The following KCNIP1 variants were observed in gnomAD, a reference collection of about 807,000 sequenced individuals.
KCNIP1 encodes the protein potassium voltage-gated channel interacting protein 1, also known as A-type potassium channel modulatory protein KCNIP1.
In KCNIP1, 18 loss-of-function variants were observed where a neutral mutation model predicts 33.0. The ratio of observed to expected loss-of-function variants is 0.55; its 90% CI spans 0.38 to 0.81. The LOEUF is 0.81. Ranked by LOEUF, KCNIP1 falls within the 30% of genes least tolerant of loss-of-function variation. The probability of loss-of-function intolerance (pLI) is 0.00; values close to 1 mark genes in which losing one functional copy is unlikely to be tolerated. For missense variants in KCNIP1, 238 were observed against 271.6 expected (o/e 0.88, Z 0.87); for synonymous variants, 93 against 98.3 (o/e 0.95, Z 0.32).
intron 3 of KCNIP1, 143 bp downstream of exon 3, chr5:170,720,533 G>A (rs1763782971): frequency 2.9e-6 from 2 of 684,592 alleles, no homozygotes; most frequent in Admixed American, 4.4e-5. Flanking sequence ...CTCATCGTGA[G>A]AGGTGGGAGT....
intron 1 of KCNIP1, among the ~76,000 whole-genome samples, chr5:170,618,109 A>G (rs547266193): frequency 1.3e-5 from 2 of 152,218 alleles, no homozygotes; most frequent in African/African-American, 2.4e-5. Context: ...TTTCATTTAC[A>G]TAAGTGTCCT....
chr5:170,435,292 A>C (rs1755836706), intron 1 of KCNIP1, among the ~76,000 whole-genome samples: 3 of 152,176 alleles, frequency 2.0e-5, no homozygotes. Flanking sequence ...GAAGTCCCGG[A>C]CATTATCACA....
intron 1 of KCNIP1, among the ~76,000 whole-genome samples, chr5:170,416,860 T>C (rs1315032991): frequency 6.6e-6 from 1 of 152,236 alleles, no homozygotes; most frequent in Non-Finnish European, 1.5e-5. Flanking sequence ...TTAGTAATTT[T>C]CCCAGATTCA....
At chr5:170,577,358 G>A (rs1003542870) in intron 1 of KCNIP1, among the ~76,000 whole-genome samples, 1 of 152,174 alleles carries the variant, frequency 6.6e-6, no homozygotes, top group Non-Finnish European at 1.5e-5. Flanking sequence ...AGTCTACCCT[G>A]GCATTATATG....
chr5:170,608,273 A>T (rs186000721), intron 1 of KCNIP1, among the ~76,000 whole-genome samples: 9 of 152,244 alleles, frequency 5.9e-5, no homozygotes, highest in African/African-American at 2.2e-4. Context: ...CAGGAAGCAC[A>T]GTTAAAGGGG....
At position 170,528,202 on chromosome 5, in the gene KCNIP1, C is replaced by A. The variant is rs1176866149; in HGVS notation, c.61+23569C>A. 3.3e-5 allele frequency among the ~76,000 whole-genome samples: 5 copies of A among 152,168 alleles called. No individual in the cohort carries two copies. In the East Asian group the frequency reaches 9.6e-4, roughly 29 times the overall value. ...AACTGGAGGCTCTGGCTCACTGGGC[C>A]CTGCTCCCCACCCACTTCCCTCTCG... On this transcript the variant is annotated intron_variant, in intron 1 of 7. Transcript: ENST00000328939.
At chr5:170,413,798 C>G (rs1260855719) in intron 1 of KCNIP1, among the ~76,000 whole-genome samples, 1 of 152,038 alleles carries the variant, frequency 6.6e-6, no homozygotes, top group African/African-American at 2.4e-5. Flanking sequence ...TGAGAAGGAG[C>G]CATTGACCCA....
rs1298568150 is a variant in KCNIP1 at position 170,734,031 on chromosome 5, G to A, written c.603+133G>A. 1.1e-5 allele frequency: 7 copies of A among 656,624 alleles called. No individual in the cohort carries two copies. In the East Asian group the frequency reaches 1.9e-4, roughly 18 times the overall value. 40.7% of individuals were successfully genotyped at this position (656,624 alleles called of 1,614,324 possible). ...CCTCCCATCAGAGCCAACAACACCA[G>A]CAACAACTGTGAAGTCCACAGTTCC... On this transcript the variant is annotated intron_variant, in intron 7 of 7. Coordinates refer to ENST00000328939, the MANE Select transcript of KCNIP1 (RefSeq NM_014592.4).
intron 1 of KCNIP1, among the ~76,000 whole-genome samples, chr5:170,640,377 C>G (rs957803854): frequency 6.6e-6 from 1 of 152,166 alleles, no homozygotes; most frequent in Non-Finnish European, 1.5e-5. Flanking sequence ...ATCAGCAGGG[C>G]CTGCAAAAGC....
At chr5:170,547,674 T>C (rs555633016) in intron 1 of KCNIP1, among the ~76,000 whole-genome samples, 40 of 152,304 alleles carry the variant, frequency 2.6e-4, no homozygotes, top group African/African-American at 9.4e-4. Flanking sequence ...GGCCTCCAGC[T>C]CCATCCATGT....
intron 1 of KCNIP1, among the ~76,000 whole-genome samples, chr5:170,550,564 G>GTGATGATGA (rs558745141): frequency 6.7e-6 from 1 of 148,942 alleles, no homozygotes; most frequent in Non-Finnish European, 1.5e-5. Flanking sequence ...GACAATGATG[G>GTGATGATGA]TGATGATGAT....
At chr5:170,436,301 A>G (rs538231321) in intron 1 of KCNIP1, among the ~76,000 whole-genome samples, 129 of 152,342 alleles carry the variant, frequency 8.5e-4, no homozygotes, top group African/African-American at 3.0e-3. Flanking sequence ...TGGGTAAAGA[A>G]TGCCCACAAT....
chr5:170,432,049 T>TG (rs576206502), intron 1 of KCNIP1, among the ~76,000 whole-genome samples: 157 of 151,876 alleles, frequency 1.0e-3, no homozygotes, highest in African/African-American at 3.8e-3. Context: ...TTTTTTTTTT[T>TG]CACATTGAGC....
At chr5:170,723,844 G>A (rs1031267810) in intron 5 of KCNIP1, among the ~76,000 whole-genome samples, 1 of 152,194 alleles carries the variant, frequency 6.6e-6, no homozygotes, top group African/African-American at 2.4e-5. Context: ...AAAAAGCCAG[G>A]AAAAGTGTTC....
chr5:170,414,664 T>C (rs1407795855), intron 1 of KCNIP1, among the ~76,000 whole-genome samples: 2 of 152,246 alleles, frequency 1.3e-5, no homozygotes, highest in Middle Eastern at 3.2e-3. Flanking sequence ...AGTTTTTCTT[T>C]TATCACTCTA....
chr5:170,589,763 G>GTGA (rs1758147223), intron 1 of KCNIP1, among the ~76,000 whole-genome samples: 1 of 127,384 alleles, frequency 7.9e-6, no homozygotes, highest in Non-Finnish European at 1.7e-5. Context: ...GTGTGGTGTG[G>GTGA]TGTGGTGTGG....
intron 1 of KCNIP1, among the ~76,000 whole-genome samples, chr5:170,702,429 A>G (rs1046885469): frequency 2.0e-5 from 3 of 152,200 alleles, no homozygotes; most frequent in African/African-American, 7.2e-5. Context: ...CTTGTTGCCC[A>G]GAGTGGAGGC....
At chr5:170,600,908 G>A (rs1339865636) in intron 1 of KCNIP1, among the ~76,000 whole-genome samples, 2 of 152,210 alleles carry the variant, frequency 1.3e-5, no homozygotes, top group Non-Finnish European at 2.9e-5. Flanking sequence ...GCAGCAAGCA[G>A]ATGGCCAATG....
chr5:170,536,644 T>G (rs566577696), intron 1 of KCNIP1, among the ~76,000 whole-genome samples: 19 of 152,298 alleles, frequency 1.2e-4, no homozygotes, highest in African/African-American at 4.6e-4. Context: ...CCTCCCACTC[T>G]GCCCCCACAC....
Sources: gnomAD v4.1 joint callset for allele counts (sites outside exome capture counted in the v4.1 genomes callset) on GRCh38, gnomAD v4.1.1 for gene constraint, MANE v1.5 for transcripts, NCBI Gene and HGNC (gene_info 2026-07-23, HGNC 2026-07-21) for gene names.